LINGO2: variants seen among roughly 807,000 people sequenced by gnomAD.
LINGO2 encodes the protein leucine rich repeat and Ig domain containing 2, also known as leucine-rich repeat and immunoglobulin-like domain-containing nogo receptor-interacting protein 2.
Under a neutral mutation model 30.6 loss-of-function variants are expected in LINGO2, and 14 were observed. The observed-to-expected ratio is 0.46, with a 90% CI of 0.30 to 0.72. The LOEUF (loss-of-function observed/expected upper bound fraction) is 0.72. Among genes scored for constraint, LINGO2 ranks in the 30% least tolerant of loss-of-function variants. The pLI is 0.07. For synonymous variants in LINGO2, 317 were observed against 288.5 expected (o/e 1.10, Z -1.00); for missense variants, 729 against 751.7 (o/e 0.97, Z 0.35).
intron 1 of LINGO2, among the ~76,000 whole-genome samples, chr9:28,544,639 TACA>T (rs1376038980): frequency 3.4e-5 from 4 of 116,174 alleles, no homozygotes; most frequent in Non-Finnish European, 8.3e-5. Context: ...CAGAAGCTGT[TACA>T]ACAAGAAGAA....
the LINGO2 span, among the ~76,000 whole-genome samples, chr9:29,034,305 T>C: frequency 1.3e-5 from 2 of 152,270 alleles, no homozygotes; most frequent in Admixed American, 6.5e-5. Flanking sequence ...CAAAAGAGTA[T>C]TGAATACATA....
At chr9:28,392,826 AG>A (rs1821892571) in intron 2 of LINGO2, among the ~76,000 whole-genome samples, 1 of 152,222 alleles carries the variant, frequency 6.6e-6, no homozygotes, top group African/African-American at 2.4e-5. Context: ...GGCAACTCCA[AG>A]GGTTTTAGAA....
chr9:28,710,379 T>C, the LINGO2 span, among the ~76,000 whole-genome samples: 3 of 152,118 alleles, frequency 2.0e-5, no homozygotes, highest in African/African-American at 7.2e-5. Flanking sequence ...TGGTATTTTG[T>C]TATAGCGACC....
At chr9:28,959,189 G>T in the LINGO2 span, among the ~76,000 whole-genome samples, 2 of 128,088 alleles carry the variant, frequency 1.6e-5, no homozygotes, top group East Asian at 4.6e-4. Flanking sequence ...TTGGAAATGA[G>T]AAATAAACCT....
chr9:29,119,737 C>T, the LINGO2 span, among the ~76,000 whole-genome samples: 1 of 151,666 alleles, frequency 6.6e-6, no homozygotes, highest in African/African-American at 2.4e-5. Context: ...AGGTACTCTA[C>T]CTGTAATTAC....
chr9:28,134,134 C>T (rs1184304296), intron 4 of LINGO2, among the ~76,000 whole-genome samples: 1 of 152,146 alleles, frequency 6.6e-6, no homozygotes, highest in Admixed American at 6.6e-5. Context: ...TTCTGCCATA[C>T]TACAATCTTG....
At chr9:28,871,676 A>G in the LINGO2 span, among the ~76,000 whole-genome samples, 5 of 151,990 alleles carry the variant, frequency 3.3e-5, no homozygotes, top group African/African-American at 1.2e-4. Flanking sequence ...GCAGCACATA[A>G]GATGACAAGT....
At chr9:28,172,025 A>C (rs945556771) in intron 4 of LINGO2, among the ~76,000 whole-genome samples, 1 of 88,024 alleles carries the variant, frequency 1.1e-5, no homozygotes, top group Non-Finnish European at 2.2e-5. Flanking sequence ...TCAAAAAAAA[A>C]AAAAAAAACA....
At chr9:27,984,088 A>T (rs2118946966) in intron 5 of LINGO2, among the ~76,000 whole-genome samples, 1 of 152,006 alleles carries the variant, frequency 6.6e-6, no homozygotes, top group African/African-American at 2.4e-5. Flanking sequence ...TGGACTGGGA[A>T]GAACAAACAG....
chr9:29,125,286 C>A, the LINGO2 span, among the ~76,000 whole-genome samples: 2 of 152,004 alleles, frequency 1.3e-5, no homozygotes, highest in Admixed American at 6.6e-5. Context: ...GGAGGAAGAG[C>A]ATTAGGACAA....
the LINGO2 span, among the ~76,000 whole-genome samples, chr9:28,805,472 A>T: frequency 4.6e-5 from 7 of 152,296 alleles, no homozygotes; most frequent in South Asian, 1.5e-3. Context: ...CATGAATGTA[A>T]CAGCCAGAGT....
the LINGO2 span, among the ~76,000 whole-genome samples, chr9:28,945,137 C>T: frequency 6.6e-5 from 10 of 152,172 alleles, no homozygotes; most frequent in African/African-American, 2.2e-4. Context: ...ATCTTGGTAC[C>T]AAGATTGGCC....
chr9:29,045,630 T>C, the LINGO2 span, among the ~76,000 whole-genome samples: 1 of 151,888 alleles, frequency 6.6e-6, no homozygotes, highest in Non-Finnish European at 1.5e-5. Flanking sequence ...CTTTGGGTTC[T>C]ACTTTGGTTT....
chr9:28,455,975 TTAGCA>T (rs1405659507), intron 2 of LINGO2, among the ~76,000 whole-genome samples: 1 of 152,178 alleles, frequency 6.6e-6, no homozygotes, highest in African/African-American at 2.4e-5. Flanking sequence ...AAGACTCTGC[TTAGCA>T]TATTAGTAGT....
chr9:28,744,571 G>T, the LINGO2 span, among the ~76,000 whole-genome samples: 3 of 149,326 alleles, frequency 2.0e-5, no homozygotes, highest in Non-Finnish European at 4.4e-5. Flanking sequence ...TTTCCCCATA[G>T]TGTATAGCTT....
chr9:29,201,132 C>T, the LINGO2 span, among the ~76,000 whole-genome samples: 5 of 152,150 alleles, frequency 3.3e-5, no homozygotes, highest in Middle Eastern at 3.4e-3. Flanking sequence ...ATGGAAGTCA[C>T]TATGTGCAGC....
the LINGO2 span, among the ~76,000 whole-genome samples, chr9:29,089,511 G>T: frequency 1.3e-5 from 2 of 152,022 alleles, no homozygotes; most frequent in Non-Finnish European, 2.9e-5. Flanking sequence ...ACTCTAATAT[G>T]ATAGGACATT....
chr9:28,369,092 T>G (rs1396868882), intron 3 of LINGO2, among the ~76,000 whole-genome samples: 1 of 152,204 alleles, frequency 6.6e-6, no homozygotes. Context: ...CCCATTTTAA[T>G]GTTTTTAGTC....
intron 2 of LINGO2, among the ~76,000 whole-genome samples, chr9:28,425,849 ATTTCT>A (rs1199640740): frequency 1.3e-5 from 2 of 152,002 alleles, no homozygotes; most frequent in Non-Finnish European, 2.9e-5. Context: ...TCAAAGAGAA[ATTTCT>A]TTTGAGTTTG....
Sources: gnomAD v4.1 joint callset for allele counts (sites outside exome capture counted in the v4.1 genomes callset) on GRCh38, gnomAD v4.1.1 for gene constraint, MANE v1.5 for transcripts, NCBI Gene and HGNC (gene_info 2026-07-23, HGNC 2026-07-21) for gene names.